Variants in SASH1 observed in about 807,000 individuals in gnomAD.
The protein encoded by SASH1 is SAM and SH3 domain-containing protein 1.
In SASH1, 44 loss-of-function variants were observed where a neutral mutation model predicts 125.2. That is an observed-to-expected ratio of 0.35 (90% CI 0.28 to 0.45). The LOEUF is 0.45. SASH1 is among the 20% of genes least tolerant of loss of function. The pLI is 1.00. For missense variants in SASH1, 1,426 were observed against 1,614.5 expected (o/e 0.88, Z 2.00); for synonymous variants, 639 against 649.1 (o/e 0.98, Z 0.24).
Position 148,390,268 on chromosome 6 carries a change from T to G in SASH1, c.285+6T>G. The G allele has an allele frequency of 6.2e-7, 1 of 1,609,098 alleles. No individual in the cohort carries two copies. Among genetic ancestry groups the G allele is most frequent in the African/African-American group, 1.3e-5 (1 of 74,624 alleles). On this transcript the variant is annotated splice_donor_region_variant and intron_variant, in intron 2 of 19. Coordinates refer to ENST00000367467, the MANE Select transcript of SASH1 (RefSeq NM_015278.5). ...TTTCCCAGGACCTGGAAGTGGTGAGTGGGGGTCCTGGGAATATGCTTCTGT... is the reference window on the plus strand; with the variant it reads ...TTTCCCAGGACCTGGAAGTGGTGAGGGGGGGTCCTGGGAATATGCTTCTGT...
upstream of SASH1, among the ~76,000 whole-genome samples, chr6:148,267,876 G>A (rs1778982095): frequency 6.6e-6 from 1 of 152,182 alleles, no homozygotes; most frequent in Admixed American, 6.5e-5. Context: ...TTAACAGCAA[G>A]CAATTATGAG....
chr6:148,519,674 C>A lies in SASH1; in HGVS notation c.990C>A (p.Asp330Glu), dbSNP rs912434374. 3.0e-5 allele frequency: 49 copies of A among 1,614,134 alleles called. No individual in the cohort carries two copies. Among genetic ancestry groups the A allele is most frequent in the Non-Finnish European group, 4.1e-5 (48 of 1,180,032 alleles). Reference sequence around the variant, plus strand: ...AGAAACCTCCCGAAGATGACTCAGACTCTCTCACCACGTCTCCATCCTCCA... The same window carrying A: ...AGAAACCTCCCGAAGATGACTCAGAATCTCTCACCACGTCTCCATCCTCCA... ...SPEKPPEDDSDSLTTSPSSSS... is the reference protein window; with the variant it reads ...SPEKPPEDDSESLTTSPSSSS... Residue 330 changes from aspartate to glutamate, a missense_variant, in exon 10 of 20, where the codon GAC (aspartate) becomes GAA (glutamate). This residue lies in a region of SASH1 where 567 missense variants were observed against 575.6 expected (regional missense o/e 0.99). Transcript: ENST00000367467. The surrounding 1 kb of genome is among the most constrained non-coding windows in gnomAD (Gnocchi z 4.8).
chr6:148,284,030 T>A (rs2128506563), intron 1 of SASH1, among the ~76,000 whole-genome samples: 1 of 152,230 alleles, frequency 6.6e-6, no homozygotes, highest in South Asian at 2.1e-4. Context: ...TAGCACATTA[T>A]CCACTTCAGG....
the SASH1 span, among the ~76,000 whole-genome samples, chr6:148,240,468 G>A: frequency 1.3e-5 from 2 of 152,164 alleles, no homozygotes; most frequent in African/African-American, 4.8e-5. Flanking sequence ...TGAGGTCATT[G>A]GTTTACAATT....
the SASH1 span, among the ~76,000 whole-genome samples, chr6:148,253,293 T>G: frequency 6.6e-6 from 1 of 152,208 alleles, no homozygotes; most frequent in Non-Finnish European, 1.5e-5. Context: ...TTGATTTTCA[T>G]GTAGAGGGCC....
intron 1 of SASH1, among the ~76,000 whole-genome samples, chr6:148,331,496 A>C (rs944344978): frequency 2.6e-5 from 4 of 151,936 alleles, no homozygotes; most frequent in African/African-American, 4.8e-5. Context: ...TGCCCCGCTA[A>C]GTTTTTGTAT....
intron 4 of SASH1, among the ~76,000 whole-genome samples, chr6:148,461,321 G>A (rs62432306): frequency 0.086 from 13,100 of 152,222 alleles, 738 homozygotes; most frequent in Non-Finnish European, 0.13. Context: ...CAAAAAGCCA[G>A]CAAGTTCAGG....
At chr6:148,337,824 C>T (rs1240236789) in intron 1 of SASH1, among the ~76,000 whole-genome samples, 6 of 152,106 alleles carry the variant, frequency 3.9e-5, no homozygotes, top group African/African-American at 1.4e-4. Flanking sequence ...TTAATGAATG[C>T]ATTATGGTGA....
chr6:148,446,400 G>A (rs1357101787), intron 4 of SASH1, among the ~76,000 whole-genome samples: 4 of 152,118 alleles, frequency 2.6e-5, no homozygotes, highest in Admixed American at 1.3e-4. Flanking sequence ...GAGCCACCGT[G>A]CCTGGCCAGG....
chr6:148,443,000 T>C (rs1190172205), intron 4 of SASH1, among the ~76,000 whole-genome samples: 1 of 152,030 alleles, frequency 6.6e-6, no homozygotes, highest in African/African-American at 2.4e-5. Flanking sequence ...GTTCTCGAAC[T>C]CCTGACCTCA....
chr6:148,206,032 T>TAA, the SASH1 span, among the ~76,000 whole-genome samples: 1 of 152,170 alleles, frequency 6.6e-6, no homozygotes, highest in Non-Finnish European at 1.5e-5. Context: ...CCTTCCTCTG[T>TAA]AAAAATATAT....
At chr6:148,378,608 C>T (rs1783008758) in intron 1 of SASH1, among the ~76,000 whole-genome samples, 1 of 152,148 alleles carries the variant, frequency 6.6e-6, no homozygotes, top group Non-Finnish European at 1.5e-5. Context: ...GATCCGCCTG[C>T]CTTAAAGTGC....
At chr6:148,440,296 T>C (rs1165433512) in intron 3 of SASH1, 62 bp downstream of exon 3, 3 of 1,608,644 alleles carry the variant, frequency 1.9e-6, no homozygotes, top group Middle Eastern at 3.3e-4. Flanking sequence ...AGTGACACTC[T>C]GTACAAATCA....
At chr6:148,210,475 G>A in the SASH1 span, among the ~76,000 whole-genome samples, 307 of 152,362 alleles carry the variant, frequency 2.0e-3, 4 homozygotes, top group African/African-American at 7.2e-3. Context: ...GGAGGTTGCA[G>A]TGAGCCAAGA....
intron 16 of SASH1, among the ~76,000 whole-genome samples, chr6:148,540,217 A>G (rs952668179): frequency 6.6e-6 from 1 of 152,200 alleles, no homozygotes; most frequent in African/African-American, 2.4e-5. Context: ...AGGTGTCAAC[A>G]TATTCCAACT....
At chr6:148,324,334 C>G (rs1780740802) in intron 1 of SASH1, among the ~76,000 whole-genome samples, 1 of 152,096 alleles carries the variant, frequency 6.6e-6, no homozygotes, top group African/African-American at 2.4e-5. Context: ...ATTCCAAAAA[C>G]AGTTAAAATT....
At chr6:148,421,201 G>GAA (rs1259923448) in intron 2 of SASH1, among the ~76,000 whole-genome samples, 2 of 141,542 alleles carry the variant, frequency 1.4e-5, no homozygotes, top group East Asian at 4.4e-4. Context: ...AAGAAAGAAA[G>GAA]AAAGAAAGAA....
intron 1 of SASH1, among the ~76,000 whole-genome samples, chr6:148,369,951 CA>C (rs1196196590): frequency 4.5e-4 from 4 of 8,820 alleles, no homozygotes; most frequent in Admixed American, 3.9e-3. Flanking sequence ...GAGATTGTCT[CA>C]AAAAAAAGAA....
chr6:148,294,791 T>C (rs1190916158), intron 1 of SASH1, among the ~76,000 whole-genome samples: 2 of 152,096 alleles, frequency 1.3e-5, no homozygotes, highest in East Asian at 3.9e-4. Context: ...TTATATCTTA[T>C]TGGATGGAAA....
Sources: allele counts gnomAD v4.1 joint callset (sites outside exome capture counted in the v4.1 genomes callset), GRCh38; gene constraint gnomAD v4.1.1; regional missense constraint gnomAD v4.1.1; non-coding constraint Gnocchi (gnomAD v3.1); transcripts MANE v1.5; gene names NCBI Gene and HGNC (gene_info 2026-07-23, HGNC 2026-07-21).